The following AKR1C3 variants were observed in gnomAD, a reference collection of about 807,000 sequenced individuals.
The protein encoded by AKR1C3 is 3-alpha hydroxysteroid dehydrogenase, type II.
In AKR1C3, 48 loss-of-function variants were observed where a neutral mutation model predicts 43.6. That is an observed-to-expected ratio of 1.10 (90% CI 0.87 to 1.40). AKR1C3 has a LOEUF of 1.40. Ranked by LOEUF, AKR1C3 falls within the 40% of genes most tolerant of loss-of-function variation. The pLI is 0.00. For synonymous variants in AKR1C3, 162 were observed against 139.6 expected (o/e 1.16, Z -1.13); for missense variants, 482 against 391.2 (o/e 1.23, Z -1.96).
At chr10:5,078,109 T>C (rs1838753338) in intron 1 of AKR1C3, 1 of 578,454 alleles carries the variant, frequency 1.7e-6, no homozygotes, top group Non-Finnish European at 3.0e-6. Flanking sequence ...GTTTCCAAAG[T>C]CAACATACTA....
rs148388480 is a variant in AKR1C3 at position 5,105,654 on chromosome 10, T to A, written c.906T>A (p.Asn302Lys). Residue 302 changes from asparagine to lysine, a missense_variant, in exon 8 of 9, where the codon AAT becomes AAA. Physicochemically the swap from Asn to Lys is moderately conservative, Grantham distance 94. Coordinates refer to ENST00000380554, the MANE Select transcript of AKR1C3 (RefSeq NM_003739.6). ...DMKAIDGLDR[N>K]LHYFNSDSFA... is the part of the protein sequence containing the mutation. Reference sequence around the variant, plus strand: ...AAGCCATAGATGGCCTAGACAGAAATCTCCACTATTTTAACAGTGATAGGT... The same window carrying A: ...AAGCCATAGATGGCCTAGACAGAAAACTCCACTATTTTAACAGTGATAGGT... 2.4e-5 allele frequency: 38 copies of A among 1,613,804 alleles called. No homozygotes were observed. The highest frequency in any genetic ancestry group is 5.0e-5 in the Admixed American group (3 of 60,010).
rs926070560 is a variant in AKR1C3, at chr10:5,078,173, T to C, written c.85-18237T>C. Reference sequence around the variant, plus strand: ...GTGCGGTGGCTCATGCCTTTAATCCTAACATTTTGGGCGGCTGATGCGGGT... The same window carrying C: ...GTGCGGTGGCTCATGCCTTTAATCCCAACATTTTGGGCGGCTGATGCGGGT... On this transcript the variant is annotated intron_variant, in intron 1 of 8. Transcript: ENST00000439082. 2.6e-5 allele frequency among the ~76,000 whole-genome samples: 4 copies of C among 152,184 alleles called. No individual in the cohort carries two copies. In the South Asian group the frequency reaches 8.3e-4, roughly 31 times the overall value.
chr10:5,084,257 G>A (rs1343077783), intron 1 of AKR1C3, among the ~76,000 whole-genome samples: 1 of 151,600 alleles, frequency 6.6e-6, no homozygotes, highest in African/African-American at 2.4e-5. Flanking sequence ...TTTTGTATAA[G>A]GTGTAAGGAA....
At chr10:5,103,861 C>G (rs1457962518) in intron 7 of AKR1C3, among the ~76,000 whole-genome samples, 8 of 152,036 alleles carry the variant, frequency 5.3e-5, no homozygotes, top group Non-Finnish European at 8.8e-5. Flanking sequence ...GATACAGGGA[C>G]ATGTGAGTGT....
intron 1 of AKR1C3, among the ~76,000 whole-genome samples, chr10:5,065,018 A>G (rs1240858238): frequency 6.6e-6 from 1 of 152,204 alleles, no homozygotes; most frequent in Non-Finnish European, 1.5e-5. Context: ...AAAATGTTCA[A>G]CATCACTGAT....
intron 1 of AKR1C3, among the ~76,000 whole-genome samples, chr10:5,053,144 C>T (rs1267585801): frequency 9.2e-5 from 14 of 152,234 alleles, no homozygotes; most frequent in African/African-American, 1.9e-4. Context: ...GCCATGCGCC[C>T]GCACTCCTCA....
intron 3 of AKR1C3, 152 bp from the exon 4 acceptor site, chr10:5,098,650 C>T: frequency 1.5e-6 from 1 of 646,998 alleles, no homozygotes; most frequent in African/African-American, 1.9e-5. Flanking sequence ...TTCCTTATAC[C>T]TTCATATGTA....
In AKR1C3 at chr10:5,077,743, G is replaced by C. The variant is rs797041404; in HGVS notation, c.85-18667G>C. 2.6e-6 allele frequency: 3 copies of C among 1,140,526 alleles called. No individual in the cohort carries two copies. In the African/African-American group the frequency reaches 4.8e-5, roughly 18 times the overall value. The allele number at this position is 1,140,526 out of a possible 1,614,324, so 70.7% of individuals were successfully genotyped here. ...CCTTTAGAGAAAAAAGAAAAAAAAA[G>C]GTGCAGCTCACTGCCAGTGCCCATT... On this transcript the variant is annotated intron_variant, in intron 1 of 8. Transcript: ENST00000439082.
chr10:5,063,508 A>C (rs1554780450), intron 1 of AKR1C3, among the ~76,000 whole-genome samples: 1 of 152,100 alleles, frequency 6.6e-6, no homozygotes, highest in East Asian at 1.9e-4. Context: ...TGAAAATGGC[A>C]CAAGTAGCTG....
Position 5,105,718 on chromosome 10 carries a change from G to C in AKR1C3, c.929+41G>C, listed in dbSNP as rs374097322. The C allele has an allele frequency of 6.7e-6, 10 of 1,490,070 alleles. No homozygotes were observed. In the African/African-American group the frequency reaches 1.2e-4, roughly 19 times the overall value. The allele number at this position is 1,490,070 out of a possible 1,614,324, so 92.3% of individuals were successfully genotyped here. A position where few individuals can be genotyped will look rare whatever the true frequency, so the allele number is the denominator to read the frequency against. On this transcript the variant is annotated intron_variant, in intron 8 of 8. Transcript: ENST00000380554. ...AAATGGGTGATCTAATTTATTTCTGGAGAAGGAATGTAGGATGGGTGTTGA... is the reference window on the plus strand; with the variant it reads ...AAATGGGTGATCTAATTTATTTCTGCAGAAGGAATGTAGGATGGGTGTTGA...
chr10:5,052,672 C>T (rs1395466864), intron 1 of AKR1C3, among the ~76,000 whole-genome samples: 1 of 151,874 alleles, frequency 6.6e-6, no homozygotes, highest in Non-Finnish European at 1.5e-5. Flanking sequence ...ATACAGAGTG[C>T]CGATTGGTAT....
intron 1 of AKR1C3, among the ~76,000 whole-genome samples, chr10:5,051,182 G>A (rs782464074): frequency 3.3e-5 from 5 of 152,134 alleles, no homozygotes; most frequent in East Asian, 1.9e-4. Context: ...TGCAACCTCC[G>A]CCTTCTGTGT....
intron 7 of AKR1C3, 164 bp from the exon 8 acceptor site, chr10:5,105,431 T>G: frequency 1.9e-6 from 1 of 531,210 alleles, no homozygotes; most frequent in Non-Finnish European, 3.4e-6. Flanking sequence ...CTGCTTATTT[T>G]TCGTGAGCTA....
chr10:5,092,204 G>A (rs1839107298), upstream of AKR1C3, among the ~76,000 whole-genome samples: 1 of 152,006 alleles, frequency 6.6e-6, no homozygotes, highest in African/African-American at 2.4e-5. Context: ...TGTTTCTCCT[G>A]CTGCTTTTAA....
chr10:5,105,139 T>A (rs587667730), intron 7 of AKR1C3: 2 of 153,148 alleles, frequency 1.3e-5, no homozygotes, highest in African/African-American at 4.8e-5. Context: ...ATTCCTGCCT[T>A]GAATTATGTT....
intron 3 of AKR1C3, chr10:5,098,318 C>G (rs1240310884): frequency 2.2e-6 from 1 of 454,524 alleles, no homozygotes; most frequent in Non-Finnish European, 2.9e-6. Context: ...TTTGGAGCAG[C>G]TCAAGGCTCA....
chr10:5,081,912 C>A (rs1838846509), intron 1 of AKR1C3: 1 of 152,220 alleles, frequency 6.6e-6, no homozygotes, highest in Non-Finnish European at 1.5e-5. Flanking sequence ...TTGCTTCTTT[C>A]TGTCAGTGTT....
At position 5,097,490 on chromosome 10, in the gene AKR1C3, G is replaced by GA; in HGVS notation, c.311dup (p.Lys105GlufsTer8). 2 of 1,613,806 alleles carry GA rather than the reference G, an allele frequency of 1.2e-6. No homozygotes were observed. ...TCCGACCAGCCTTGGAAAACTCACT[G>GA]AAGAAAGCTCAATTGGACTATGTTG... is the stretch of plus-strand genomic sequence containing the variant. On this transcript the variant is annotated frameshift_variant, in exon 3 of 9. Coordinates refer to ENST00000380554, the MANE Select transcript of AKR1C3 (RefSeq NM_003739.6). LOFTEE classifies it high-confidence loss of function.
At chr10:5,105,335 G>T in intron 7 of AKR1C3, 4 of 285,616 alleles carry the variant, frequency 1.4e-5, no homozygotes, top group Non-Finnish European at 2.0e-5. Context: ...CAATGTCAGC[G>T]CTGTTTCTTC....
Sources: allele counts gnomAD v4.1 joint callset (sites outside exome capture counted in the v4.1 genomes callset), GRCh38; gene constraint gnomAD v4.1.1; transcripts MANE v1.5; gene names NCBI Gene and HGNC (gene_info 2026-07-23, HGNC 2026-07-21).